Variants in EML4 observed in about 807,000 individuals in gnomAD.
EML4 encodes EMAP like 4.
A neutral mutation model predicts 129.0 loss-of-function variants in EML4; 72 were observed. The ratio of observed to expected loss-of-function variants is 0.56; its 90% CI spans 0.46 to 0.68. EML4 has a LOEUF of 0.68. Among genes scored for constraint, EML4 ranks in the 30% least tolerant of loss-of-function variants. The pLI, the probability that EML4 is intolerant of heterozygous loss-of-function variation, is 0.00. For missense variants in EML4, 1,363 were observed against 1,190.6 expected (o/e 1.14, Z -2.13); for synonymous variants, 532 against 405.0 (o/e 1.31, Z -3.77).
chr2:42,260,104 ATCC>A (rs1665632142), intron 3 of EML4, among the ~76,000 whole-genome samples: 1 of 151,478 alleles, frequency 6.6e-6, no homozygotes, highest in Non-Finnish European at 1.5e-5. Context: ...GGCTCAAGTA[ATCC>A]TCCTGCCTTG....
intron 2 of EML4, among the ~76,000 whole-genome samples, chr2:42,249,655 C>A (rs1042300154): frequency 6.6e-6 from 1 of 152,112 alleles, no homozygotes; most frequent in African/African-American, 2.4e-5. Context: ...TCAGTAAATA[C>A]CAAAATCAGA....
intron 6 of EML4, among the ~76,000 whole-genome samples, chr2:42,268,893 A>G (rs1449057006): frequency 1.3e-5 from 2 of 152,220 alleles, no homozygotes; most frequent in African/African-American, 4.8e-5. Context: ...GATTTAACAC[A>G]TAATTACCTG....
At chr2:42,214,684 C>T (rs1456031278) in intron 1 of EML4, among the ~76,000 whole-genome samples, 4 of 152,098 alleles carry the variant, frequency 2.6e-5, no homozygotes, top group Non-Finnish European at 4.4e-5. Context: ...TGGTGATATG[C>T]AGCTGGAGGG....
At chr2:42,203,370 G>A (rs904669524) in intron 1 of EML4, among the ~76,000 whole-genome samples, 1 of 152,220 alleles carries the variant, frequency 6.6e-6, no homozygotes, top group African/African-American at 2.4e-5. Context: ...AAATAAAAAC[G>A]TTTTGAATCC....
intron 9 of EML4, among the ~76,000 whole-genome samples, chr2:42,285,025 A>T (rs975065202): frequency 3.3e-5 from 5 of 151,974 alleles, no homozygotes; most frequent in African/African-American, 1.2e-4. Flanking sequence ...AAGGTACTGC[A>T]GTTTCCCTTA....
At chr2:42,195,946 T>G (rs534316575) in intron 1 of EML4, among the ~76,000 whole-genome samples, 1 of 152,326 alleles carries the variant, frequency 6.6e-6, no homozygotes, top group South Asian at 2.1e-4. Context: ...CATTTACTCC[T>G]TTTTCATGGC....
At chr2:42,293,254 G>A (rs559215059) in intron 11 of EML4, among the ~76,000 whole-genome samples, 364 of 151,906 alleles carry the variant, frequency 2.4e-3, no homozygotes, top group Non-Finnish European at 4.3e-3. Context: ...AAACTACAGC[G>A]CGCACCGCCA....
Position 42,284,674 on chromosome 2 carries a change from C to T in EML4, c.982C>T (p.Gln328Ter). The T allele has an allele frequency of 6.2e-7, 1 of 1,612,754 alleles. No homozygotes were observed. Among genetic ancestry groups the T allele is most frequent in the Non-Finnish European group, 8.5e-7 (1 of 1,179,366 alleles). Residue 328 changes from glutamine (Q) to a stop codon, truncating the protein, a stop_gained, in exon 9 of 23, where the codon CAG becomes TAG. Coordinates refer to ENST00000318522, the MANE Select transcript of EML4 (RefSeq NM_019063.5). LOFTEE classifies it high-confidence loss of function. ...TGACAAAATTAGGATTGCAACTGGA[C>T]AGATAGCTGGCGTGGATAAAGATGG... The part of the protein sequence containing the change: ...HPDKIRIATG[Q>*]IAGVDKDGRP...
chr2:42,201,308 G>C (rs570480133), intron 1 of EML4, among the ~76,000 whole-genome samples: 1 of 152,310 alleles, frequency 6.6e-6, no homozygotes, highest in East Asian at 1.9e-4. Flanking sequence ...CTGTGAAGGA[G>C]TTAGCATTAT....
At chr2:42,261,416 C>T in intron 4 of EML4, 122 bp downstream of exon 4, 1 of 789,490 alleles carries the variant, frequency 1.3e-6, no homozygotes, top group Non-Finnish European at 1.9e-6. Context: ...TTTATTTTTC[C>T]CTTCTTCATT....
At chr2:42,169,686 T>G in intron 1 of EML4, 50 bp downstream of exon 1, 1 of 1,583,850 alleles carries the variant, frequency 6.3e-7, no homozygotes, top group Non-Finnish European at 8.6e-7. Flanking sequence ...TAGGAACTTT[T>G]TTCCTTCCGC....
Position 42,284,931 on chromosome 2 carries a change from A to G in EML4, c.1011+228A>G, listed in dbSNP as rs376977106. ...AATAAGTGTTCTCCCTTAAGAAGCT[A>G]TTTACTGTAAAAATGGGAAAACTGA... On this transcript the variant is annotated intron_variant, in intron 9 of 22. Transcript: ENST00000318522. Among the ~76,000 whole-genome samples, 4 of 152,272 alleles carry G rather than the reference A, an allele frequency of 2.6e-5. No individual in the cohort carries two copies. The East Asian group carries it at 5.8e-4, about 22-fold the overall frequency.
At chr2:42,310,742 G>A (rs1041414084) in intron 17 of EML4, among the ~76,000 whole-genome samples, 6 of 152,216 alleles carry the variant, frequency 3.9e-5, no homozygotes, top group Non-Finnish European at 1.5e-5. Context: ...GGTGGCTCAG[G>A]CCCAAGGCCC....
chr2:42,189,918 T>G (rs534306613), intron 1 of EML4, among the ~76,000 whole-genome samples: 1 of 151,860 alleles, frequency 6.6e-6, no homozygotes, highest in East Asian at 1.9e-4. Flanking sequence ...CCTTGGTTAC[T>G]AACATCATGA....
At chr2:42,204,544 C>T (rs2103983749) in intron 1 of EML4, among the ~76,000 whole-genome samples, 1 of 152,268 alleles carries the variant, frequency 6.6e-6, no homozygotes, top group Non-Finnish European at 1.5e-5. Flanking sequence ...TTTTATTTAT[C>T]AACACTGAAT....
chr2:42,199,621 G>C (rs544576865), intron 1 of EML4, among the ~76,000 whole-genome samples: 3 of 152,172 alleles, frequency 2.0e-5, no homozygotes, highest in South Asian at 2.1e-4. Flanking sequence ...AAGTGGTGTC[G>C]TGTGGAAAAG....
chr2:42,231,434 T>C (rs1674338119), intron 1 of EML4, among the ~76,000 whole-genome samples: 1 of 152,218 alleles, frequency 6.6e-6, no homozygotes, highest in Admixed American at 6.5e-5. Context: ...AGTTATACTT[T>C]TGTTATAATG....
chr2:42,226,224 A>G (rs1673947848), intron 1 of EML4, among the ~76,000 whole-genome samples: 1 of 152,152 alleles, frequency 6.6e-6, no homozygotes, highest in African/African-American at 2.4e-5. Context: ...ATAAAAATAT[A>G]CATACTCATG....
intron 1 of EML4, among the ~76,000 whole-genome samples, chr2:42,221,975 A>G (rs1222191928): frequency 1.3e-5 from 2 of 151,730 alleles, no homozygotes; most frequent in Non-Finnish European, 2.9e-5. Flanking sequence ...GGCTCAAGCG[A>G]TTTGCCTGCC....
Sources: gnomAD v4.1 joint callset for allele counts (sites outside exome capture counted in the v4.1 genomes callset) on GRCh38, gnomAD v4.1.1 for gene constraint, MANE v1.5 for transcripts, NCBI Gene and HGNC (gene_info 2026-07-23, HGNC 2026-07-21) for gene names.